The following RTN4IP1 variants were observed in gnomAD, a reference collection of about 807,000 sequenced individuals.
RTN4IP1 encodes the protein reticulon 4 interacting protein 1, also known as NAD(P)H oxidoreductase RTN4IP1, mitochondrial.
RTN4IP1 carries 32 observed loss-of-function variants against 46.6 expected under a neutral mutation model. That is an observed-to-expected ratio of 0.69 (90% confidence interval 0.52 to 0.92). RTN4IP1 has a LOEUF of 0.92. Ranked by LOEUF, RTN4IP1 falls within the 40% of genes least tolerant of loss-of-function variation. The pLI is 0.00. For missense variants in RTN4IP1, 424 were observed against 485.8 expected (o/e 0.87, Z 1.20); for synonymous variants, 167 against 161.8 (o/e 1.03, Z -0.24).
chr6:106,583,278 G>T (rs1403276236), intron 8 of RTN4IP1, 50 bp downstream of exon 8: 1 of 1,419,132 alleles, frequency 7.0e-7, no homozygotes, highest in Non-Finnish European at 9.9e-7. Context: ...TCTACAGGAG[G>T]TGCTGTAGAA....
chr6:106,583,568 A>G (rs1775418735), intron 7 of RTN4IP1, 148 bp from the exon 8 acceptor site: 1 of 612,992 alleles, frequency 1.6e-6, no homozygotes, highest in Non-Finnish European at 3.0e-6. Flanking sequence ...ACCTTGGCAC[A>G]ATGACTGACA....
chr6:106,591,756 G>A (rs1775669197), intron 6 of RTN4IP1, among the ~76,000 whole-genome samples: 1 of 152,132 alleles, frequency 6.6e-6, no homozygotes, highest in Admixed American at 6.5e-5. Context: ...GACTTACACT[G>A]TTTCTCTTAA....
chr6:106,612,644 C>A (rs968170276), intron 4 of RTN4IP1, among the ~76,000 whole-genome samples: 1 of 151,324 alleles, frequency 6.6e-6, no homozygotes, highest in Non-Finnish European at 1.5e-5. Context: ...CATAAAGCAA[C>A]CTTTTACAAT....
At chr6:106,578,962 C>T (rs950229790) in intron 8 of RTN4IP1, among the ~76,000 whole-genome samples, 4 of 150,552 alleles carry the variant, frequency 2.7e-5, no homozygotes, top group African/African-American at 9.8e-5. Flanking sequence ...ACCAGCTGGG[C>T]GTGGTGGCTC....
At chr6:106,576,557 A>G (rs9480689) in intron 8 of RTN4IP1, among the ~76,000 whole-genome samples, 21,524 of 152,172 alleles carry the variant, frequency 0.14, 1,751 homozygotes, top group African/African-American at 0.21. Context: ...GTGGCAATAA[A>G]GAACTTAAGG....
intron 1 of RTN4IP1, among the ~76,000 whole-genome samples, chr6:106,626,393 GC>G (rs1280129602): frequency 2.6e-5 from 4 of 152,130 alleles, no homozygotes. Context: ...AAAGTCATGT[GC>G]TTCACTTTTC....
chr6:106,605,314 G>A (rs1776036461), intron 4 of RTN4IP1, among the ~76,000 whole-genome samples: 1 of 151,604 alleles, frequency 6.6e-6, no homozygotes, highest in African/African-American at 2.4e-5. Flanking sequence ...CACTCCTGTA[G>A]TCCCAGGAGG....
At chr6:106,590,354 A>C (rs1436913388) in intron 6 of RTN4IP1, among the ~76,000 whole-genome samples, 1 of 151,458 alleles carries the variant, frequency 6.6e-6, no homozygotes, top group Non-Finnish European at 1.5e-5. Context: ...AAAACCCCTT[A>C]AGGTAGATAG....
chr6:106,604,671 C>T (rs1776017892), intron 4 of RTN4IP1, among the ~76,000 whole-genome samples: 1 of 152,144 alleles, frequency 6.6e-6, no homozygotes. Context: ...ACACACACAG[C>T]CCAGATGAAT....
At chr6:106,606,346 G>T (rs1198672866) in intron 4 of RTN4IP1, among the ~76,000 whole-genome samples, 1 of 152,240 alleles carries the variant, frequency 6.6e-6, no homozygotes, top group Admixed American at 6.5e-5. Flanking sequence ...TTGAGCCCAG[G>T]AAGGCGGAGG....
Position 106,622,759 on chromosome 6 carries a change from C to T in RTN4IP1, c.426+59G>A, listed in dbSNP as rs928115869. The stretch of plus-strand genomic sequence containing the variant: ...GTGTCAGTGTGCGTCTCTCATCCGT[C>T]GCTGGATCAGGGTCTGTGGGTTGGA... On this transcript the variant is annotated intron_variant, in intron 2 of 8. Transcript: ENST00000369063. The T allele has an allele frequency of 3.1e-5, 47 of 1,537,500 alleles. No homozygotes were observed. In the African/African-American group the frequency reaches 4.5e-4, roughly 15 times the overall value.
At chr6:106,587,939 C>T in intron 6 of RTN4IP1, 77 bp from the exon 7 acceptor site, 1 of 1,308,122 alleles carries the variant, frequency 7.6e-7, no homozygotes. Context: ...CTTCCAGTAC[C>T]AGTTGGCTTA....
intron 4 of RTN4IP1, among the ~76,000 whole-genome samples, chr6:106,617,568 C>T (rs1168212935): frequency 6.6e-6 from 1 of 152,158 alleles, no homozygotes; most frequent in Non-Finnish European, 1.5e-5. Context: ...ACCCAGGGCT[C>T]CAACTTCCCA....
At chr6:106,615,423 C>G in intron 4 of RTN4IP1, among the ~76,000 whole-genome samples, 1 of 151,962 alleles carries the variant, frequency 6.6e-6, no homozygotes, top group East Asian at 1.9e-4. Flanking sequence ...AAAAAGTATT[C>G]CTAAATTCAC....
rs750961580 is a variant in RTN4IP1 at position 106,571,956 on chromosome 6, C to G, written c.*40G>C. On this transcript the variant is annotated 3_prime_UTR_variant, in exon 9 of 9. Transcript: ENST00000369063. Reference sequence around the variant, plus strand: ...AAAAATTTGGGCTCACAGGCACTCACCAAATAAGAACGTCAACAATCACTA... The same window carrying G: ...AAAAATTTGGGCTCACAGGCACTCAGCAAATAAGAACGTCAACAATCACTA... The G allele has an allele frequency of 4.6e-6, 7 of 1,518,874 alleles. No individual in the cohort carries two copies. The highest frequency in any genetic ancestry group is 1.1e-5 in the South Asian group (1 of 88,338). 94.1% of individuals were successfully genotyped at this position (1,518,874 alleles called of 1,614,324 possible).
At chr6:106,595,408 A>G (rs528794142) in intron 5 of RTN4IP1, among the ~76,000 whole-genome samples, 126 of 152,250 alleles carry the variant, frequency 8.3e-4, no homozygotes, top group African/African-American at 3.0e-3. Context: ...GCAGCTGTCA[A>G]TGCTTAATAC....
rs778714437 is a variant in RTN4IP1 at position 106,583,334 on chromosome 6, C to T, written c.1077G>A (p.Ala359=). 1.3e-5 allele frequency: 21 copies of T among 1,612,868 alleles called. No individual in the cohort carries two copies. The highest frequency in any genetic ancestry group is 4.5e-5 in the East Asian group (2 of 44,888). ...GGTTTCCAGGTGCACGTACCTTTCC[C>T]GCATCCACCAGTTCTGCAATGTCAT... ...CLDDIAELVD[A]GKIRPVIEQT... Residue 359 remains alanine, a synonymous_variant, in exon 8 of 9, where the codon GCG becomes GCA. Coordinates refer to ENST00000369063, the MANE Select transcript of RTN4IP1 (RefSeq NM_032730.5).
chr6:106,599,024 C>T (rs533161097), intron 5 of RTN4IP1, among the ~76,000 whole-genome samples: 16 of 151,190 alleles, frequency 1.1e-4, no homozygotes, highest in Non-Finnish European at 2.2e-4. Flanking sequence ...TTTTCCTATT[C>T]TGATTTATTT....
At chr6:106,589,349 G>A (rs1012710530) in intron 6 of RTN4IP1, among the ~76,000 whole-genome samples, 1 of 149,974 alleles carries the variant, frequency 6.7e-6, no homozygotes, top group Admixed American at 6.7e-5. Flanking sequence ...AGAAGAAGAA[G>A]AAAAAAGGCA....
Sources: allele counts gnomAD v4.1 joint callset (sites outside exome capture counted in the v4.1 genomes callset), GRCh38; gene constraint gnomAD v4.1.1; transcripts MANE v1.5; gene names NCBI Gene and HGNC (gene_info 2026-07-23, HGNC 2026-07-21).